Variants in C2 observed in about 807,000 individuals in gnomAD.
The protein encoded by C2 is complement C2, also known as C3/C5 convertase.
In C2, 64 loss-of-function variants were observed where a neutral mutation model predicts 85.2. The observed-to-expected ratio is 0.75, with a 90% CI of 0.61 to 0.92. The LOEUF (loss-of-function observed/expected upper bound fraction) is 0.92. Among genes scored for constraint, C2 ranks in the 40% least tolerant of loss-of-function variants. The pLI is 0.00. For missense variants in C2, 820 were observed against 971.6 expected, an observed-to-expected ratio of 0.84 and a Z score of 2.07; for synonymous variants, 311 against 370.8, an observed-to-expected ratio of 0.84 and a Z score of 1.85.
At chr6:31,928,530 A>G (rs1040910119) in intron 2 of C2, among the ~76,000 whole-genome samples, 1 of 152,168 alleles carries the variant, frequency 6.6e-6, no homozygotes, top group Non-Finnish European at 1.5e-5. Context: ...TTTATCAATC[A>G]GTTCGCTTAG....
upstream of C2, among the ~76,000 whole-genome samples, chr6:31,918,882 C>CAAA (rs9281625): frequency 0.019 from 1,403 of 74,172 alleles, 40 homozygotes; most frequent in Non-Finnish European, 0.027. Context: ...GACTCTGTCT[C>CAAA]AAAAAAAAAA....
At chr6:31,906,543 A>G (rs1767725886) in intron 1 of C2, among the ~76,000 whole-genome samples, 1 of 151,958 alleles carries the variant, frequency 6.6e-6, no homozygotes, top group Admixed American at 6.6e-5. Context: ...AAATGGAGGC[A>G]GATTCTCCCA....
rs2151730502 is a variant in C2 at position 31,921,132 on chromosome 6, G to A, written c.-100+1106G>A. Among the ~76,000 whole-genome samples the A allele has an allele frequency of 6.6e-6, 1 of 152,308 alleles. No individual in the cohort carries two copies. Among genetic ancestry groups the A allele is most frequent in the Middle Eastern group, 3.4e-3 (1 of 294 alleles). On this transcript the variant is annotated intron_variant, in intron 1 of 3. Coordinates refer to the C2 transcript ENST00000413154. This position sits in a 1 kb window ranked among gnomAD's most constrained non-coding sequence, Gnocchi z 4.6. ...AGCAGAGGCCTTTGTGTGGAAATGG[G>A]TGGGGTCTGACCCAATGTAAATATT...
chr6:31,932,007 C>T (rs1769829956), intron 3 of C2, among the ~76,000 whole-genome samples: 1 of 140,338 alleles, frequency 7.1e-6, no homozygotes, highest in African/African-American at 2.6e-5. Context: ...CCCCCACCTC[C>T]CTCCCGGACA....
chr6:31,936,190 G>A (rs1247112202), intron 7 of C2, 129 bp downstream of exon 7: 2 of 1,019,494 alleles, frequency 2.0e-6, no homozygotes, highest in Non-Finnish European at 3.0e-6. Flanking sequence ...CACGAGTCTG[G>A]GGTAGTTTCA....
intron 1 of C2, chr6:31,901,971 CG>C (rs1379312825): frequency 6.8e-6 from 1 of 147,434 alleles, no homozygotes; most frequent in Admixed American, 6.7e-5. Context: ...CGCGCGCGCG[CG>C]GGGCCGGCTC....
At chr6:31,917,376 G>A (rs563795310), upstream of C2, among the ~76,000 whole-genome samples, 6 of 151,862 alleles carry the variant, frequency 4.0e-5, no homozygotes, top group East Asian at 1.9e-4. Context: ...ATGAATTAGC[G>A]TAGGAACAGA....
rs767268166 is a variant in C2 at position 31,943,148 on chromosome 6, G to A, written c.1360+49G>A. 14 of 1,612,594 alleles carry A rather than the reference G, an allele frequency of 8.7e-6. No homozygotes were observed. In the South Asian group the frequency reaches 8.8e-5, roughly 10 times the overall value. On this transcript the variant is annotated intron_variant, in intron 10 of 17. Coordinates refer to ENST00000299367, the MANE Select transcript of C2 (RefSeq NM_000063.6). This position sits in a 1 kb window ranked among gnomAD's most constrained non-coding sequence, Gnocchi z 6.4. ...GTGTGGGGAGGATGGTGAGGAGCCC[G>A]CCAGAGGCCCGTGTTGGGAACCTGG...
At position 31,933,798 on chromosome 6, in the gene C2, T is replaced by C; in HGVS notation, c.616+15T>C. 1 of 1,613,810 alleles carries C rather than the reference T, an allele frequency of 6.2e-7. No individual in the cohort carries two copies. Among genetic ancestry groups the C allele is most frequent in the Non-Finnish European group, 8.5e-7 (1 of 1,180,014 alleles). ...CATCTGCCGCCGTGAGTAGCTGCCC[T>C]GCCCTCCTGAGATTCCTCGGCACAC... is the stretch of plus-strand genomic sequence containing the variant. On this transcript the variant is annotated intron_variant, in intron 4 of 17. Coordinates refer to ENST00000299367, the MANE Select transcript of C2 (RefSeq NM_000063.6).
At chr6:31,911,628 C>CTTTT (rs375372431) in intron 1 of C2, among the ~76,000 whole-genome samples, 1 of 141,234 alleles carries the variant, frequency 7.1e-6, no homozygotes, top group Non-Finnish European at 1.6e-5. Context: ...GTGTTTCTTT[C>CTTTT]TTTTTTTTTT....
intron 3 of C2, among the ~76,000 whole-genome samples, chr6:31,929,508 C>T (rs1168518372): frequency 6.7e-6 from 1 of 149,868 alleles, no homozygotes; most frequent in Non-Finnish European, 1.5e-5. Context: ...ATCACAAGGT[C>T]AGGAGTTTGA....
In C2 at chr6:31,928,831, A is replaced by C; in HGVS notation, c.356A>C (p.Asp119Ala). ...VGGNVSFECE[D>A]GFILRGSPVR... ...GGCAATGTGAGCTTCGAGTGTGAGG[A>C]TGGCTTCATATTGCGGGGCTCGCCT... The change falls in exon 3 of 18, where the codon GAT (aspartate) becomes GCT (alanine). Residue 119 changes from aspartate to alanine, a missense_variant. By Grantham distance (126) the Asp-to-Ala change is moderately radical. Transcript: ENST00000299367. 6.2e-7 allele frequency: 1 copy of C among 1,614,196 alleles called. No individual in the cohort carries two copies. The highest frequency in any genetic ancestry group is 8.5e-7 in the Non-Finnish European group (1 of 1,180,032).
At chr6:31,915,956 CA>C (rs1356429962), upstream of C2, among the ~76,000 whole-genome samples, 1 of 152,214 alleles carries the variant, frequency 6.6e-6, no homozygotes, top group South Asian at 2.1e-4. Context: ...GTGGGGGAAC[CA>C]AACGTGTCAC....
upstream of C2, among the ~76,000 whole-genome samples, chr6:31,917,965 AAG>A (rs570268219): frequency 2.2e-3 from 334 of 152,122 alleles, 1 homozygote; most frequent in Non-Finnish European, 1.1e-3. Context: ...AAAAAGAAAA[AAG>A]AGAAATATTT....
Position 31,944,115 on chromosome 6 carries a change from TC to T in C2, c.1811-16del, listed in dbSNP as rs769679098. 2.4e-5 allele frequency: 39 copies of T among 1,601,362 alleles called. No individual in the cohort carries two copies. Among genetic ancestry groups the T allele is most frequent in the East Asian group, 2.0e-4 (9 of 44,810 alleles). On this transcript the variant is annotated intron_variant, in intron 14 of 17. Transcript: ENST00000299367. This position sits in a 1 kb window ranked among gnomAD's most constrained non-coding sequence, Gnocchi z 5.1. ...CTGGGTAAAAGGACCAGCACCAACATCCCCTTCTCTTGACTATAGAGAATGA... is the reference window on the plus strand; with the variant it reads ...CTGGGTAAAAGGACCAGCACCAACATCCCTTCTCTTGACTATAGAGAATGA...
chr6:31,938,879 C>T (rs1219377742), intron 8 of C2, among the ~76,000 whole-genome samples: 1 of 152,182 alleles, frequency 6.6e-6, no homozygotes, highest in Non-Finnish European at 1.5e-5. Context: ...TCTCAAACTC[C>T]CAACCTCAGG....
At position 31,934,266 on chromosome 6, in the gene C2, C is replaced by T; in HGVS notation, c.816C>T (p.Ile272=). The change falls in exon 6 of 18, where the codon ATC becomes ATT. Residue 272 remains isoleucine, a synonymous_variant. Transcript: ENST00000299367. The part of the protein sequence containing the change: ...SQSVSENDFL[I]FKESASLMVD... ...GTGTGTCGGAAAATGACTTTCTCATCTTCAAGGAGAGCGCCTCCCTCATGG... is the reference window on the plus strand; with the variant it reads ...GTGTGTCGGAAAATGACTTTCTCATTTTCAAGGAGAGCGCCTCCCTCATGG... The T allele has an allele frequency of 6.2e-7, 1 of 1,614,118 alleles. No homozygotes were observed. Among genetic ancestry groups the T allele is most frequent in the Non-Finnish European group, 8.5e-7 (1 of 1,179,954 alleles).
At chr6:31,939,062 G>A (rs1770669003) in intron 8 of C2, among the ~76,000 whole-genome samples, 169 bp from the exon 9 acceptor site, 1 of 152,190 alleles carries the variant, frequency 6.6e-6, no homozygotes, top group African/African-American at 2.4e-5. Flanking sequence ...GTCTCCCAAA[G>A]TGCTAGGATT....
At chr6:31,927,543 G>A (rs1183479387), upstream of C2, 7 of 1,482,288 alleles carry the variant, frequency 4.7e-6, no homozygotes, top group Non-Finnish European at 6.2e-6. The surrounding 1 kb of genome is among the most constrained non-coding windows in gnomAD (Gnocchi z 4.7). Context: ...ATTAGCATCA[G>A]GGAGACAGGG....
Sources: allele counts gnomAD v4.1 joint callset (sites outside exome capture counted in the v4.1 genomes callset), GRCh38; gene constraint gnomAD v4.1.1; non-coding constraint Gnocchi (gnomAD v3.1); transcripts MANE v1.5; gene names NCBI Gene and HGNC (gene_info 2026-07-23, HGNC 2026-07-21).